MAEL: variants seen among roughly 807,000 people sequenced by gnomAD.
The protein encoded by MAEL is maelstrom spermatogenic transposon silencer.
A neutral mutation model predicts 62.0 loss-of-function variants in MAEL; 46 were observed. The observed-to-expected ratio is 0.74, with a 90% CI of 0.59 to 0.95. The LOEUF is 0.95. MAEL is among the 40% of genes least tolerant of loss of function. MAEL has a pLI of 0.00. For synonymous variants in MAEL, 172 were observed against 175.5 expected (o/e 0.98, Z 0.16); for missense variants, 497 against 526.8 (o/e 0.94, Z 0.55).
Position 167,005,283 on chromosome 1 carries a change from C to T in MAEL, c.731C>T (p.Thr244Ile). 1 of 1,613,376 alleles carries T rather than the reference C, an allele frequency of 6.2e-7. No homozygotes were observed. The highest frequency in any genetic ancestry group is 8.5e-7 in the Non-Finnish European group (1 of 1,179,684). Residue 244 changes from threonine (T) to isoleucine (I), a missense_variant, in exon 8 of 12, where the codon ACT becomes ATT. Physicochemically the swap from Thr to Ile is moderately conservative, Grantham distance 89 (BLOSUM62 -1). Transcript: ENST00000367872. The stretch of plus-strand genomic sequence containing the variant: ...ATCAGGCAAGATCTACAACTTCTCA[C>T]TGTAGAGGACCTTGTAGTGGGGATC... ...SEIRQDLQLL[T>I]VEDLVVGIYQ...
chr1:166,977,263 T>C (rs984621967), intron 1 of MAEL, among the ~76,000 whole-genome samples: 7 of 152,172 alleles, frequency 4.6e-5, no homozygotes, highest in African/African-American at 1.7e-4. Flanking sequence ...GCCAGGATGA[T>C]TTTTTCATGC....
chr1:166,990,078 C>G (rs951751157), intron 2 of MAEL: 10 of 414,098 alleles, frequency 2.4e-5, no homozygotes, highest in Non-Finnish European at 3.5e-5. Context: ...GTTAGGAAAC[C>G]TGTAGACAAT....
At chr1:166,981,919 C>G (rs1487381895) in intron 1 of MAEL, among the ~76,000 whole-genome samples, 1 of 152,172 alleles carries the variant, frequency 6.6e-6, no homozygotes, top group Non-Finnish European at 1.5e-5. Flanking sequence ...GTGTCCCAAC[C>G]AAGTTATTCT....
At chr1:166,976,109 T>C (rs183393154) in intron 1 of MAEL, among the ~76,000 whole-genome samples, 5 of 152,298 alleles carry the variant, frequency 3.3e-5, no homozygotes, top group East Asian at 1.9e-4. Flanking sequence ...TGTTAAAATA[T>C]GAGGTAGAAT....
intron 4 of MAEL, 38 bp from the exon 5 acceptor site, chr1:166,993,990 A>G: frequency 1.3e-6 from 2 of 1,586,158 alleles, no homozygotes; most frequent in Non-Finnish European, 1.7e-6. Flanking sequence ...AGAGAACTTT[A>G]AAATTTTTGC....
chr1:167,009,664 C>G (rs1020732348), intron 8 of MAEL, among the ~76,000 whole-genome samples: 2 of 151,400 alleles, frequency 1.3e-5, no homozygotes, highest in African/African-American at 4.9e-5. Context: ...AAAAGGAGTC[C>G]AATATATATG....
intron 5 of MAEL, among the ~76,000 whole-genome samples, chr1:167,003,694 T>C (rs1664772620): frequency 2.0e-5 from 3 of 152,250 alleles, no homozygotes; most frequent in African/African-American, 7.2e-5. Context: ...CTATGTGATC[T>C]TAATATCCTC....
At chr1:167,004,133 T>G (rs367753051) in intron 5 of MAEL, 47 bp from the exon 6 acceptor site, 36 of 1,556,378 alleles carry the variant, frequency 2.3e-5, no homozygotes, top group Non-Finnish European at 3.2e-5. Context: ...TACCCCATAA[T>G]ATTTATCTTG....
intron 8 of MAEL, among the ~76,000 whole-genome samples, chr1:167,006,417 T>G (rs1664898316): frequency 6.6e-6 from 1 of 151,804 alleles, no homozygotes; most frequent in African/African-American, 2.4e-5. Flanking sequence ...TCCTCATGGT[T>G]AAATTGAGAT....
Position 166,994,019 on chromosome 1 carries a change from G to T in MAEL, c.482-9G>T. On this transcript the variant is annotated splice_polypyrimidine_tract_variant and intron_variant, in intron 4 of 11. Transcript: ENST00000367872. ...TTTTTGCTTCTCAACAAGATATTTT[G>T]TATTATAGGTGAAATTCCACGAGGA... The T allele has an allele frequency of 2.5e-6, 4 of 1,611,708 alleles. No homozygotes were observed. The South Asian group carries it at 4.4e-5, about 18-fold the overall frequency.
rs150315073 is a variant in MAEL, at chr1:167,019,694, C to G, written c.1042-1391C>G. The stretch of plus-strand genomic sequence containing the variant: ...AGTAGTTGTCCTTGATCGTGGCCTC[C>G]AGACTTCTTTATATAGTCTCCCCAA... On this transcript the variant is annotated intron_variant, in intron 10 of 11. Transcript: ENST00000367872. Among the ~76,000 whole-genome samples, 1,194 of 152,174 alleles carry G rather than the reference C, an allele frequency of 7.8e-3. 7 individuals carry two copies. Among genetic ancestry groups the G allele is most frequent in the Non-Finnish European group, 0.014 (929 of 67,994 alleles).
At chr1:167,013,337 G>T (rs1397872414) in intron 8 of MAEL, among the ~76,000 whole-genome samples, 4 of 152,186 alleles carry the variant, frequency 2.6e-5, no homozygotes, top group Non-Finnish European at 5.9e-5. Context: ...CACAAGCCCT[G>T]ACGAGCTCTG....
chr1:166,991,960 G>A (rs193263368), intron 3 of MAEL, among the ~76,000 whole-genome samples: 187 of 152,182 alleles, frequency 1.2e-3, no homozygotes, highest in African/African-American at 4.3e-3. Context: ...AAACTACATT[G>A]TACCTCATAA....
intron 8 of MAEL, among the ~76,000 whole-genome samples, chr1:167,007,399 G>C (rs924297429): frequency 6.6e-6 from 1 of 151,950 alleles, no homozygotes; most frequent in Non-Finnish European, 1.5e-5. Flanking sequence ...TACTTTCTTT[G>C]TTCCAGCCCT....
At chr1:167,019,115 C>T (rs1168856423) in intron 10 of MAEL, among the ~76,000 whole-genome samples, 1 of 152,132 alleles carries the variant, frequency 6.6e-6, no homozygotes, top group Non-Finnish European at 1.5e-5. Context: ...TTTGTGTCCT[C>T]CATGGGACAT....
Position 166,992,798 on chromosome 1 carries a change from C to A in MAEL, c.438C>A (p.Leu146=). ...AAATTGGCTGTGTTAAGTATTCTCT[C>A]CAAGAAGGTATTATGGCAGATTTCC... ...PCEIGCVKYS[L]QEGIMADFHS... The change falls in exon 4 of 12, where the codon CTC becomes CTA. Residue 146 remains leucine, a synonymous_variant. Transcript: ENST00000367872. The A allele has an allele frequency of 6.2e-7, 1 of 1,609,018 alleles. No individual in the cohort carries two copies. The highest frequency in any genetic ancestry group is 8.5e-7 in the Non-Finnish European group (1 of 1,178,200).
intron 1 of MAEL, among the ~76,000 whole-genome samples, chr1:166,975,819 G>A (rs928179807): frequency 1.1e-4 from 17 of 152,070 alleles, no homozygotes; most frequent in Non-Finnish European, 2.4e-4. Context: ...GAACCCGGGC[G>A]AGAACGCTGG....
chr1:166,995,914 A>G (rs533722501), intron 5 of MAEL, among the ~76,000 whole-genome samples: 98 of 152,342 alleles, frequency 6.4e-4, no homozygotes, highest in African/African-American at 2.2e-3. Context: ...CAAATTAATC[A>G]GATTAACAGA....
chr1:166,990,078 C>T (rs951751157), intron 2 of MAEL: 2 of 414,216 alleles, frequency 4.8e-6, no homozygotes, highest in East Asian at 4.4e-5. Flanking sequence ...GTTAGGAAAC[C>T]TGTAGACAAT....
Sources: gnomAD v4.1 joint callset for allele counts (sites outside exome capture counted in the v4.1 genomes callset) on GRCh38, gnomAD v4.1.1 for gene constraint, MANE v1.5 for transcripts, NCBI Gene and HGNC (gene_info 2026-07-23, HGNC 2026-07-21) for gene names.